CFAP95: variants seen among roughly 807,000 people sequenced by gnomAD.
The protein encoded by CFAP95 is cilia and flagella associated protein 95, also known as cilia- and flagella-associated protein 95.
chr9:69,866,866 T>C, the CFAP95 span, among the ~76,000 whole-genome samples: 1 of 152,226 alleles, frequency 6.6e-6, no homozygotes, highest in Non-Finnish European at 1.5e-5. Flanking sequence ...GGTCCCGGCT[T>C]GACATTTTTG....
At chr9:69,884,010 T>A in the CFAP95 span, among the ~76,000 whole-genome samples, 6 of 152,238 alleles carry the variant, frequency 3.9e-5, no homozygotes, top group African/African-American at 7.2e-5. Flanking sequence ...TTTCTTCTTT[T>A]TTGATGTAGG....
At chr9:69,837,178 C>A in the CFAP95 span, among the ~76,000 whole-genome samples, 8 of 152,160 alleles carry the variant, frequency 5.3e-5, no homozygotes, top group African/African-American at 1.7e-4. Flanking sequence ...GTGAATAATG[C>A]CGCAATAAAT....
chr9:69,838,477 G>T, the CFAP95 span, among the ~76,000 whole-genome samples: 15 of 151,502 alleles, frequency 9.9e-5, no homozygotes, highest in South Asian at 1.7e-3. Flanking sequence ...CCTAGGTATT[G>T]TATTCTCTTT....
At chr9:69,849,609 T>G in the CFAP95 span, among the ~76,000 whole-genome samples, 1 of 152,144 alleles carries the variant, frequency 6.6e-6, no homozygotes, top group Non-Finnish European at 1.5e-5. Flanking sequence ...TGCTGTGAGG[T>G]GTACCTGAAC....
chr9:69,900,511 G>T, the CFAP95 span, among the ~76,000 whole-genome samples: 44 of 152,308 alleles, frequency 2.9e-4, no homozygotes, highest in African/African-American at 9.1e-4. Flanking sequence ...TATAGACATT[G>T]TAACTGGCAA....
chr9:69,871,536 G>A, the CFAP95 span, among the ~76,000 whole-genome samples: 69 of 151,652 alleles, frequency 4.5e-4, no homozygotes, highest in African/African-American at 1.6e-3. Flanking sequence ...AAGTGATGGT[G>A]ATGTGGAGGG....
chr9:69,870,809 T>C, the CFAP95 span, among the ~76,000 whole-genome samples: 1 of 151,628 alleles, frequency 6.6e-6, no homozygotes. Flanking sequence ...ATTTGGGAGG[T>C]CAGGAAAGGC....
the CFAP95 span, among the ~76,000 whole-genome samples, chr9:69,864,616 A>C: frequency 6.6e-6 from 1 of 152,216 alleles, no homozygotes; most frequent in African/African-American, 2.4e-5. Context: ...TAGTTCAGGC[A>C]GTTAAGTGTT....
At chr9:69,874,202 C>T in the CFAP95 span, among the ~76,000 whole-genome samples, 6 of 151,982 alleles carry the variant, frequency 3.9e-5, no homozygotes, top group African/African-American at 1.5e-4. Flanking sequence ...TGGAGATCAA[C>T]TCGTGCTCAT....
chr9:69,831,880 C>G, the CFAP95 span, among the ~76,000 whole-genome samples: 34 of 152,166 alleles, frequency 2.2e-4, no homozygotes, highest in Admixed American at 1.9e-3. Context: ...AATTGTGACT[C>G]TTAGTCCTGG....
chr9:69,886,282 G>T, the CFAP95 span, among the ~76,000 whole-genome samples: 1 of 152,072 alleles, frequency 6.6e-6, no homozygotes, highest in Non-Finnish European at 1.5e-5. Context: ...GCTGTCAAGT[G>T]CTTCCTTTAA....
At chr9:69,903,439 T>C in the CFAP95 span, among the ~76,000 whole-genome samples, 1 of 152,160 alleles carries the variant, frequency 6.6e-6, no homozygotes, top group Admixed American at 6.5e-5. Context: ...TGCTACACCC[T>C]GGAAAATGGG....
the CFAP95 span, among the ~76,000 whole-genome samples, chr9:69,871,433 G>A: frequency 6.6e-6 from 1 of 152,070 alleles, no homozygotes; most frequent in Non-Finnish European, 1.5e-5. Flanking sequence ...GGAATAATCA[G>A]ATTTGTGTTT....
the CFAP95 span, among the ~76,000 whole-genome samples, chr9:69,904,682 C>T: frequency 6.6e-6 from 1 of 152,156 alleles, no homozygotes. Context: ...GATCTCACCT[C>T]CCTTTGAGGG....
the CFAP95 span, among the ~76,000 whole-genome samples, chr9:69,853,992 A>G: frequency 6.6e-6 from 1 of 152,230 alleles, no homozygotes; most frequent in Admixed American, 6.5e-5. Flanking sequence ...CAGAACCAGT[A>G]ACTGATCATA....
chr9:69,905,900 C>G, the CFAP95 span: 1 of 1,283,944 alleles, frequency 7.8e-7, no homozygotes, highest in Non-Finnish European at 1.0e-6. Flanking sequence ...TTGAAGATTA[C>G]TTCTTTTTAC....
the CFAP95 span, among the ~76,000 whole-genome samples, chr9:69,899,118 GA>G: frequency 1.3e-5 from 2 of 152,216 alleles, no homozygotes; most frequent in African/African-American, 4.8e-5. Context: ...GAAGGGCTCA[GA>G]AAAAGCTTGC....
chr9:69,838,597 C>G, the CFAP95 span, among the ~76,000 whole-genome samples: 2 of 150,498 alleles, frequency 1.3e-5, no homozygotes, highest in Admixed American at 6.6e-5. Flanking sequence ...CCTGAGACTT[C>G]GCTGAAGTTG....
chr9:69,831,662 G>A, the CFAP95 span, among the ~76,000 whole-genome samples: 4 of 152,152 alleles, frequency 2.6e-5, no homozygotes, highest in Non-Finnish European at 5.9e-5. Flanking sequence ...TCCAAGAGGA[G>A]CCTTTAACTT....
Sources: gnomAD v4.1 joint callset for allele counts (sites outside exome capture counted in the v4.1 genomes callset) on GRCh38, gnomAD v4.1.1 for gene constraint, MANE v1.5 for transcripts, NCBI Gene and HGNC (gene_info 2026-07-23, HGNC 2026-07-21) for gene names.